The following VWC2 variants were observed in gnomAD, a reference collection of about 807,000 sequenced individuals.
The protein encoded by VWC2 is von Willebrand factor C domain containing 2, also known as brorin.
VWC2 carries 14 observed loss-of-function variants against 29.8 expected under a neutral mutation model. The ratio of observed to expected loss-of-function variants is 0.47; its 90% CI spans 0.31 to 0.74. The LOEUF (loss-of-function observed/expected upper bound fraction) is 0.74, where lower values mean the gene tolerates loss of function less well. Among genes scored for constraint, VWC2 ranks in the 30% least tolerant of loss-of-function variants. The pLI is 0.05. For synonymous variants in VWC2, 213 were observed against 199.0 expected, an observed-to-expected ratio of 1.07 and a Z score of -0.59; for missense variants, 457 against 459.8, an observed-to-expected ratio of 0.99 and a Z score of 0.05.
chr7:49,785,879 T>C (rs1237004290), intron 2 of VWC2, among the ~76,000 whole-genome samples: 1 of 151,938 alleles, frequency 6.6e-6, no homozygotes, highest in Non-Finnish European at 1.5e-5. Flanking sequence ...AAGGATGAAA[T>C]TTAGGAAGAA....
intron 2 of VWC2, among the ~76,000 whole-genome samples, chr7:49,787,576 G>A (rs1178648060): frequency 6.6e-6 from 1 of 152,224 alleles, no homozygotes; most frequent in East Asian, 1.9e-4. Context: ...GAGCCAGCAG[G>A]TGGCCAGATG....
chr7:49,858,376 T>TA (rs1419643926), intron 3 of VWC2, among the ~76,000 whole-genome samples: 1 of 151,818 alleles, frequency 6.6e-6, no homozygotes, highest in African/African-American at 2.4e-5. Flanking sequence ...TATGCAGCCA[T>TA]AAAAAAGGAT....
chr7:49,775,657 G>A lies in VWC2; in HGVS notation c.222G>A (p.Arg74=). The A allele has an allele frequency of 6.5e-7, 1 of 1,527,896 alleles. No homozygotes were observed. The allele number at this position is 1,527,896 out of a possible 1,614,324, so 94.6% of individuals were successfully genotyped here. The change falls in exon 2 of 4, where the codon CGG becomes CGA. Residue 74 remains arginine (R), a synonymous_variant. Transcript: ENST00000340652. ...RPARDEGGSG[R]DWKSKSGRGL... ...CGAGGGACGAGGGCGGCAGCGGCCG[G>A]GACTGGAAGAGCAAGAGCGGCCGTG...
At chr7:49,790,549 G>A (rs1354916855) in intron 2 of VWC2, among the ~76,000 whole-genome samples, 1 of 152,164 alleles carries the variant, frequency 6.6e-6, no homozygotes, top group Non-Finnish European at 1.5e-5. Context: ...GAGGCTGGAA[G>A]GTAGCTTGTG....
At position 49,879,691 on chromosome 7, in the gene VWC2, T is replaced by C. The variant is rs574370897; in HGVS notation, c.827-32343T>C. On this transcript the variant is annotated intron_variant, in intron 3 of 3. Coordinates refer to ENST00000340652, the MANE Select transcript of VWC2 (RefSeq NM_198570.5). Reference sequence around the variant, plus strand: ...TTTGTGATATTTAATCTCTCCATCCTAGTACATAGTAATTCTTTCTCTTTG... The same window carrying C: ...TTTGTGATATTTAATCTCTCCATCCCAGTACATAGTAATTCTTTCTCTTTG... 3.9e-5 allele frequency among the ~76,000 whole-genome samples: 6 copies of C among 152,268 alleles called. No individual in the cohort carries two copies. The East Asian group carries it at 1.2e-3, about 29-fold the overall frequency.
chr7:49,846,249 C>A (rs957070178), intron 3 of VWC2, among the ~76,000 whole-genome samples: 1 of 152,188 alleles, frequency 6.6e-6, no homozygotes, highest in Non-Finnish European at 1.5e-5. Flanking sequence ...TTGCTCCAAC[C>A]TGCATGTCGC....
chr7:49,863,426 CT>C (rs1562738579), intron 3 of VWC2, among the ~76,000 whole-genome samples: 1 of 151,932 alleles, frequency 6.6e-6, no homozygotes, highest in Non-Finnish European at 1.5e-5. Context: ...TTCTCTCTCC[CT>C]TTTTTTCTTT....
chr7:49,910,318 T>C (rs1480183032), intron 3 of VWC2, among the ~76,000 whole-genome samples: 1 of 152,222 alleles, frequency 6.6e-6, no homozygotes, highest in Non-Finnish European at 1.5e-5. Flanking sequence ...GCTGGATTAA[T>C]TTATTTTTTA....
intron 3 of VWC2, among the ~76,000 whole-genome samples, chr7:49,815,305 T>A (rs1789111050): frequency 6.6e-6 from 1 of 152,160 alleles, no homozygotes; most frequent in African/African-American, 2.4e-5. Flanking sequence ...AATACTGCAG[T>A]AAGCATCACA....
intron 3 of VWC2, among the ~76,000 whole-genome samples, chr7:49,888,890 G>T (rs969652618): frequency 3.9e-5 from 6 of 151,906 alleles, no homozygotes; most frequent in African/African-American, 1.5e-4. Flanking sequence ...TAGCCTGGGG[G>T]ACAAGAGCGA....
chr7:49,877,507 T>TATAGATATATATAG (rs1791485192), intron 3 of VWC2, among the ~76,000 whole-genome samples: 1 of 90,318 alleles, frequency 1.1e-5, no homozygotes, highest in Non-Finnish European at 2.3e-5. Flanking sequence ...TATATATATA[T>TATAGATATATATAG]ATATATATAT....
intron 3 of VWC2, among the ~76,000 whole-genome samples, chr7:49,854,555 G>C (rs914616701): frequency 6.6e-6 from 1 of 152,122 alleles, no homozygotes; most frequent in African/African-American, 2.4e-5. Flanking sequence ...CTTTTTGATG[G>C]GGTTGTTAGT....
chr7:49,778,277 A>G (rs893217482), intron 2 of VWC2, among the ~76,000 whole-genome samples: 59 of 152,212 alleles, frequency 3.9e-4, no homozygotes, highest in African/African-American at 1.4e-3. Flanking sequence ...ACAAAAGGGA[A>G]ATTGGAAAGA....
chr7:49,813,987 T>A (rs1789072740), intron 3 of VWC2, among the ~76,000 whole-genome samples: 1 of 152,196 alleles, frequency 6.6e-6, no homozygotes, highest in African/African-American at 2.4e-5. Context: ...AATAAATACA[T>A]AAATAAATGT....
At chr7:49,814,233 A>C (rs1789080529) in intron 3 of VWC2, among the ~76,000 whole-genome samples, 1 of 152,220 alleles carries the variant, frequency 6.6e-6, no homozygotes. Flanking sequence ...CTCTGCAATA[A>C]GTATTTTCAC....
intron 3 of VWC2, among the ~76,000 whole-genome samples, chr7:49,868,387 A>C (rs1271286141): frequency 6.6e-6 from 1 of 152,216 alleles, no homozygotes; most frequent in Non-Finnish European, 1.5e-5. Context: ...TAAATCAGTG[A>C]TGATACATTT....
In VWC2 at chr7:49,917,491, A is replaced by C. The variant is rs1379730699; in HGVS notation, c.*5306A>C. On this transcript the variant is annotated 3_prime_UTR_variant, in exon 4 of 4. Transcript: ENST00000340652. The stretch of plus-strand genomic sequence containing the variant: ...TGCATACTGTTTAACTCTTTCCTTT[A>C]AAGTTCAGAAAAGTACATAAAACCT... 1 of 152,158 alleles carries C rather than the reference A, an allele frequency of 6.6e-6. No homozygotes were observed. The highest frequency in any genetic ancestry group is 1.5e-5 in the Non-Finnish European group (1 of 68,016). 9.4% of individuals were successfully genotyped at this position (152,158 alleles called of 1,614,324 possible). A position where few individuals can be genotyped will look rare whatever the true frequency, so the allele number is the denominator to read the frequency against.
chr7:49,909,402 C>T (rs1026825507), intron 3 of VWC2, among the ~76,000 whole-genome samples: 4 of 152,166 alleles, frequency 2.6e-5, no homozygotes, highest in Admixed American at 1.3e-4. Flanking sequence ...AGGCACCATC[C>T]GAATGGTCAC....
At chr7:49,868,091 C>T (rs1790989997) in intron 3 of VWC2, among the ~76,000 whole-genome samples, 1 of 152,114 alleles carries the variant, frequency 6.6e-6, no homozygotes. Flanking sequence ...ACCTCGGCCT[C>T]CCAAAGTGCT....
Sources: allele counts gnomAD v4.1 joint callset (sites outside exome capture counted in the v4.1 genomes callset), GRCh38; gene constraint gnomAD v4.1.1; transcripts MANE v1.5; gene names NCBI Gene and HGNC (gene_info 2026-07-23, HGNC 2026-07-21).